Variants in KLF8 observed in about 807,000 individuals in gnomAD.
KLF8 encodes the protein Krueppel-like factor 8.
A neutral mutation model predicts 18.2 loss-of-function variants in KLF8; 10 were observed. The ratio of observed to expected loss-of-function variants is 0.55; its 90% CI spans 0.34 to 0.93. The LOEUF (loss-of-function observed/expected upper bound fraction) is 0.93. KLF8 is among the 40% of genes least tolerant of loss of function. The pLI is 0.02. For missense variants in KLF8, 264 were observed against 277.9 expected (o/e 0.95, Z 0.36); for synonymous variants, 109 against 97.3 (o/e 1.12, Z -0.71).
the KLF8 span, among the ~76,000 whole-genome samples, chrX:55,983,340 A>C: frequency 9.0e-5 from 10 of 111,392 alleles, no homozygotes; most frequent in Non-Finnish European, 1.3e-4. Flanking sequence ...GCTGATTATA[A>C]AAGAACAGAA....
At chrX:56,104,371 A>T in the KLF8 span, among the ~76,000 whole-genome samples, 1 of 111,252 alleles carries the variant, frequency 9.0e-6, no homozygotes, top group Admixed American at 9.5e-5. Flanking sequence ...TAAGCTATTG[A>T]TTATTGCCAT....
chrX:55,972,218 T>C, the KLF8 span, among the ~76,000 whole-genome samples: 1 of 111,754 alleles, frequency 8.9e-6, no homozygotes, highest in Admixed American at 9.5e-5. Context: ...CATAAAAAAG[T>C]CTTGTCGTTG....
At chrX:56,100,767 G>A in the KLF8 span, among the ~76,000 whole-genome samples, 1 of 112,070 alleles carries the variant, frequency 8.9e-6, no homozygotes, top group East Asian at 2.8e-4. Context: ...TTACTAAATT[G>A]CTGCAGTCTT....
intron 2 of KLF8, among the ~76,000 whole-genome samples, chrX:56,254,803 CCT>C (rs1378497933): frequency 9.0e-6 from 1 of 111,578 alleles, no homozygotes; most frequent in Non-Finnish European, 1.9e-5. Context: ...AGCTGCTTCT[CCT>C]CTTTCTGCCA....
the KLF8 span, among the ~76,000 whole-genome samples, chrX:55,944,573 TCG>T: frequency 8.9e-6 from 1 of 111,879 alleles, no homozygotes; most frequent in African/African-American, 3.3e-5. Flanking sequence ...GGTGTATGTG[TCG>T]AGGAATTTAT....
At position 56,265,619 on chromosome X, in the gene KLF8, G is replaced by T; in HGVS notation, c.521G>T (p.Gly174Val). Reference sequence around the variant, plus strand: ...GTCAGTCTGCCAAATAAGATGGGTGGCCTGAAGACCATCCCAGTGGTAGTG... The same window carrying T: ...GTCAGTCTGCCAAATAAGATGGGTGTCCTGAAGACCATCCCAGTGGTAGTG... Reference protein sequence around the residue: ...PSVSLPNKMGGLKTIPVVVQS... With the variant: ...PSVSLPNKMGVLKTIPVVVQS... The change falls in exon 3 of 6, where the codon GGC becomes GTC. Residue 174 changes from glycine (G) to valine (V), a missense_variant. Transcript: ENST00000468660. 5 of 1,211,600 alleles carry T rather than the reference G, an allele frequency of 4.1e-6. No individual in the cohort carries two copies. The highest frequency in any genetic ancestry group is 5.6e-6 in the Non-Finnish European group (5 of 895,396).
At chrX:56,211,275 G>C in the KLF8 span, among the ~76,000 whole-genome samples, 1 of 112,618 alleles carries the variant, frequency 8.9e-6, no homozygotes, top group Non-Finnish European at 1.9e-5. Context: ...GAATCTTGTA[G>C]ACTTGTAGAG....
the KLF8 span, among the ~76,000 whole-genome samples, chrX:56,060,363 A>C: frequency 8.9e-6 from 1 of 111,867 alleles, no homozygotes; most frequent in East Asian, 2.8e-4. Flanking sequence ...CTTTCCATCA[A>C]TACCCAGTTT....
the KLF8 span, among the ~76,000 whole-genome samples, chrX:56,186,140 G>A: frequency 1.8e-5 from 2 of 111,982 alleles, no homozygotes; most frequent in Admixed American, 9.5e-5. Context: ...CATCTCATGT[G>A]CAGAGACACA....
the KLF8 span, among the ~76,000 whole-genome samples, chrX:56,079,287 A>C: frequency 9.0e-6 from 1 of 110,934 alleles, no homozygotes; most frequent in Non-Finnish European, 1.9e-5. Flanking sequence ...TTAGTGCTAT[A>C]AATTTCCCTC....
At chrX:56,213,314 C>CTTT in the KLF8 span, among the ~76,000 whole-genome samples, 8 of 12,009 alleles carry the variant, frequency 6.7e-4, no homozygotes, top group African/African-American at 9.2e-4. Flanking sequence ...CTTTTCTTTT[C>CTTT]TTTTTTTTTT....
chrX:56,162,530 C>T, the KLF8 span, among the ~76,000 whole-genome samples: 2 of 111,596 alleles, frequency 1.8e-5, no homozygotes, highest in Admixed American at 9.5e-5. Context: ...GCTGTGCTGG[C>T]AATGAGCGAG....
At chrX:56,203,565 G>A in the KLF8 span, among the ~76,000 whole-genome samples, 19 of 112,283 alleles carry the variant, frequency 1.7e-4, no homozygotes, top group East Asian at 4.4e-3. Context: ...TAAGATGTTC[G>A]ATTCAAGTCT....
In KLF8 at chrX:56,265,653, G is replaced by T. The variant is rs773981615; in HGVS notation, c.555G>T (p.Leu185=). Reference sequence around the variant, plus strand: ...CCATCCCAGTGGTAGTGCAGTCTCTGCCCATGGTGTATACTACTTTGCCTG... The same window carrying T: ...CCATCCCAGTGGTAGTGCAGTCTCTTCCCATGGTGTATACTACTTTGCCTG... The part of the protein sequence containing the change: ...LKTIPVVVQS[L]PMVYTTLPAD... Residue 185 remains leucine (L), a synonymous_variant, in exon 3 of 6, where the codon CTG becomes CTT. Transcript: ENST00000468660. 10 of 1,209,098 alleles carry T rather than the reference G, an allele frequency of 8.3e-6. No homozygotes were observed. In the African/African-American group the frequency reaches 1.4e-4, roughly 17 times the overall value.
chrX:56,078,806 G>A, the KLF8 span, among the ~76,000 whole-genome samples: 1 of 110,984 alleles, frequency 9.0e-6, no homozygotes, highest in African/African-American at 3.3e-5. Context: ...ATTGATTATT[G>A]CCTCAGTTTC....
At chrX:56,254,999 C>T (rs2066770327) in intron 2 of KLF8, among the ~76,000 whole-genome samples, 4 of 112,474 alleles carry the variant, frequency 3.6e-5, no homozygotes, top group Admixed American at 1.9e-4. Context: ...TCCCTGCCTC[C>T]TGTCCCTGTC....
the KLF8 span, among the ~76,000 whole-genome samples, chrX:55,947,063 G>A: frequency 2.7e-5 from 3 of 111,504 alleles, no homozygotes; most frequent in Non-Finnish European, 5.7e-5. Context: ...TTCAACTATT[G>A]TGGAAGTCAG....
chrX:56,011,327 C>A, the KLF8 span, among the ~76,000 whole-genome samples: 388 of 112,225 alleles, frequency 3.5e-3, no homozygotes, highest in African/African-American at 0.012. Flanking sequence ...TCACTCAAAA[C>A]CACACAACTA....
rs1232706091 is a variant in KLF8 at position 56,288,240 on chromosome X, CAA to C, written c.*3758_*3759del. On this transcript the variant is annotated 3_prime_UTR_variant, in exon 6 of 6. Transcript: ENST00000468660. ...GGTGACAGAGCGACACACTTGATCT[CAA>C]AAAAAAAAAAATTGTTTCAGCATCT... is the stretch of plus-strand genomic sequence containing the variant. 1.0e-5 allele frequency among the ~76,000 whole-genome samples: 1 copy of C among 99,946 alleles called. No homozygotes were observed. The highest frequency in any genetic ancestry group is 3.6e-5 in the African/African-American group (1 of 27,659). The allele number at this position is 99,946 out of a possible 115,157, so 86.8% of individuals were successfully genotyped here. A position where few individuals can be genotyped will look rare whatever the true frequency, so the allele number is the denominator to read the frequency against.
Sources: gnomAD v4.1 joint callset for allele counts (sites outside exome capture counted in the v4.1 genomes callset) on GRCh38, gnomAD v4.1.1 for gene constraint, MANE v1.5 for transcripts, NCBI Gene and HGNC (gene_info 2026-07-23, HGNC 2026-07-21) for gene names.